Variants in HID1 observed in about 807,000 individuals in gnomAD.
The protein encoded by HID1 is HID1 domain containing, also known as protein HID1.
A neutral mutation model predicts 89.7 loss-of-function variants in HID1; 42 were observed. The observed-to-expected ratio is 0.47, with a 90% confidence interval of 0.37 to 0.61. The LOEUF (loss-of-function observed/expected upper bound fraction) is 0.61, where lower values mean the gene tolerates loss of function less well. HID1 is among the 20% of genes least tolerant of loss of function. The pLI is 0.00. For missense variants in HID1, 854 were observed against 1,039.3 expected, an observed-to-expected ratio of 0.82 and a Z score of 2.45; for synonymous variants, 442 against 433.8, an observed-to-expected ratio of 1.02 and a Z score of -0.24.
In HID1 at chr17:74,954,154, A is replaced by G; in HGVS notation, c.1848T>C (p.Ser616=). ...APAEPGTLKT[S]LVATPGIDKL... is the part of the protein sequence containing the mutation. ...GCACCAGACCTGGAGTAGCCACCAG[A>G]CTGGTCTTGAGGGTGCCTGGCTCTG... Residue 616 remains serine (S), a synonymous_variant, in exon 14 of 19, where the codon AGT becomes AGC. Transcript: ENST00000425042. 6.3e-7 allele frequency: 1 copy of G among 1,599,996 alleles called. No individual in the cohort carries two copies. The highest frequency in any genetic ancestry group is 8.5e-7 in the Non-Finnish European group (1 of 1,174,534).
rs757459848 is a variant in HID1 at position 74,959,899 on chromosome 17, G to A, written c.990C>T (p.Ser330=). 2 of 1,613,712 alleles carry A rather than the reference G, an allele frequency of 1.2e-6. No individual in the cohort carries two copies. The highest frequency in any genetic ancestry group is 1.1e-5 in the South Asian group (1 of 91,078). The stretch of plus-strand genomic sequence containing the variant: ...GACTTGCCTCCTCACGATGGATGCG[G>A]GACAGGTAGTTCACAAACAGGTTCT... ...GPENLFVNYL[S]RIHREEDFQF... The change falls in exon 8 of 19, where the codon TCC becomes TCT. Residue 330 remains serine, a synonymous_variant. Transcript: ENST00000425042. This position sits in a 1 kb window ranked among gnomAD's most constrained non-coding sequence, Gnocchi z 4.6.
chr17:74,954,069 C>T (rs578214421), intron 14 of HID1, 69 bp downstream of exon 14: 2 of 1,416,168 alleles, frequency 1.4e-6, no homozygotes, highest in African/African-American at 2.8e-5. Flanking sequence ...GGGGGTGACA[C>T]CCCGAGACCA....
In HID1 at chr17:74,951,554, CTCG is replaced by C; in HGVS notation, c.*13_*15del. The C allele has an allele frequency of 6.2e-7, 1 of 1,606,926 alleles. No homozygotes were observed. Among genetic ancestry groups the C allele is most frequent in the Non-Finnish European group, 8.5e-7 (1 of 1,176,778 alleles). ...CCCTGCCTTCCCCTAGACTGAGCCC[CTCG>C]TCGGCTTCATCCTCACACCCGCTGT... is the stretch of plus-strand genomic sequence containing the variant. On this transcript the variant is annotated 3_prime_UTR_variant, in exon 19 of 19. Transcript: ENST00000425042.
At position 74,958,447 on chromosome 17, in the gene HID1, G is replaced by A; in HGVS notation, c.1272C>T (p.Phe424=). The A allele has an allele frequency of 1.2e-6, 2 of 1,600,748 alleles. No individual in the cohort carries two copies. Among genetic ancestry groups the A allele is most frequent in the Non-Finnish European group, 1.7e-6 (2 of 1,173,742 alleles). Residue 424 remains phenylalanine (F), a synonymous_variant, in exon 11 of 19, where the codon TTC becomes TTT. Coordinates refer to ENST00000425042, the MANE Select transcript of HID1 (RefSeq NM_030630.3). The surrounding 1 kb of genome is among the most constrained non-coding windows in gnomAD (Gnocchi z 5.2). ...GCTCCCCGCTCAGAAGCAGCAAGAT[G>A]AAGACACCAATGTGCATCAGGCCCA... ...SRVGLMHIGV[F]ILLLLSGERN... is the part of the protein sequence containing the mutation.
chr17:74,951,709 G>T, intron 18 of HID1, 76 bp from the exon 19 acceptor site: 2 of 1,484,952 alleles, frequency 1.3e-6, no homozygotes, highest in Non-Finnish European at 1.9e-6. Flanking sequence ...TGGGCAGCAG[G>T]AATGGCCAAG....
At chr17:74,969,266 C>T (rs1027537366) in intron 1 of HID1, among the ~76,000 whole-genome samples, 1 of 152,132 alleles carries the variant, frequency 6.6e-6, no homozygotes, top group Non-Finnish European at 1.5e-5. Context: ...GCAATCTCGG[C>T]TTACTGCAAG....
chr17:74,958,786 A>C lies in HID1; in HGVS notation c.1150-23T>G. On this transcript the variant is annotated intron_variant, in intron 9 of 18. Coordinates refer to ENST00000425042, the MANE Select transcript of HID1 (RefSeq NM_030630.3). The surrounding 1 kb of genome is among the most constrained non-coding windows in gnomAD (Gnocchi z 5.2). ...TTTCTAGGGGTGCGGGGAGGGGCCAAGTGGGCTGAGTTCAAGGGAGGGGCA... is the reference window on the plus strand; with the variant it reads ...TTTCTAGGGGTGCGGGGAGGGGCCACGTGGGCTGAGTTCAAGGGAGGGGCA... The C allele has an allele frequency of 6.2e-7, 1 of 1,610,574 alleles. No individual in the cohort carries two copies. The highest frequency in any genetic ancestry group is 8.5e-7 in the Non-Finnish European group (1 of 1,177,780).
chr17:74,952,547 G>T (rs940911323), intron 16 of HID1, among the ~76,000 whole-genome samples, 187 bp from the exon 17 acceptor site: 1 of 152,168 alleles, frequency 6.6e-6, no homozygotes, highest in Non-Finnish European at 1.5e-5. Flanking sequence ...CCATGGCCCC[G>T]CGTTAAGCCA....
chr17:74,970,638 A>C (rs1235377501), intron 1 of HID1: 2 of 153,322 alleles, frequency 1.3e-5, no homozygotes, highest in African/African-American at 4.8e-5. Context: ...CAGGAAGGCG[A>C]GGAAGGTGGA....
intron 6 of HID1, among the ~76,000 whole-genome samples, chr17:74,961,116 C>G (rs911360097): frequency 6.6e-5 from 10 of 152,122 alleles, no homozygotes; most frequent in Non-Finnish European, 1.3e-4. Flanking sequence ...TGTGGCTGAT[C>G]GGAACCAAGA....
chr17:74,961,328 C>T (rs1401262127), intron 6 of HID1, among the ~76,000 whole-genome samples: 2 of 151,742 alleles, frequency 1.3e-5, no homozygotes, highest in Non-Finnish European at 2.9e-5. Flanking sequence ...AGCGCAGTGG[C>T]GCAATCTCGG....
At position 74,955,778 on chromosome 17, in the gene HID1, G is replaced by C; in HGVS notation, c.1636+14C>G. 3 of 1,613,322 alleles carry C rather than the reference G, an allele frequency of 1.9e-6. No individual in the cohort carries two copies. The highest frequency in any genetic ancestry group is 2.5e-6 in the Non-Finnish European group (3 of 1,179,454). On this transcript the variant is annotated intron_variant, in intron 13 of 18. Coordinates refer to ENST00000425042, the MANE Select transcript of HID1 (RefSeq NM_030630.3). ...GGCCACCCTGACCACCAGGGCCTCAGGCTGGTGCCTCACCATCAAACTGGT... is the reference window on the plus strand; with the variant it reads ...GGCCACCCTGACCACCAGGGCCTCACGCTGGTGCCTCACCATCAAACTGGT...
In HID1 at chr17:74,962,378, G is replaced by A. The variant is rs750329893; in HGVS notation, c.505-38C>T. ...CAGGAAGAAGCCGGGTTAGGGGGTC[G>A]AGAGGTGAACAGCAGCCTGGGTCAG... On this transcript the variant is annotated intron_variant, in intron 4 of 18. Coordinates refer to ENST00000425042, the MANE Select transcript of HID1 (RefSeq NM_030630.3). This position sits in a 1 kb window ranked among gnomAD's most constrained non-coding sequence, Gnocchi z 4.3. The A allele has an allele frequency of 1.5e-5, 22 of 1,460,718 alleles. No homozygotes were observed. Among genetic ancestry groups the A allele is most frequent in the South Asian group, 1.1e-4 (9 of 84,842 alleles). The allele number at this position is 1,460,718 out of a possible 1,614,324, so 90.5% of individuals were successfully genotyped here.
intron 6 of HID1, 43 bp from the exon 7 acceptor site, chr17:74,960,291 C>T (rs767980406): frequency 6.5e-7 from 1 of 1,546,826 alleles, no homozygotes; most frequent in Non-Finnish European, 8.8e-7. Context: ...TGCACTGGGG[C>T]CCAGCCCCCT....
At chr17:74,953,750 T>G in intron 14 of HID1, 99 bp from the exon 15 acceptor site, 1 of 930,128 alleles carries the variant, frequency 1.1e-6, no homozygotes, top group Non-Finnish European at 1.7e-6. Context: ...TTACTCCTGC[T>G]TCCCTCTGGA....
intron 13 of HID1, 101 bp downstream of exon 13, chr17:74,955,691 C>G: frequency 9.2e-7 from 1 of 1,091,110 alleles, no homozygotes; most frequent in Non-Finnish European, 1.3e-6. Context: ...GGCAAGCAGG[C>G]CAGCACCTCC....
intron 6 of HID1, chr17:74,961,509 C>CT (rs2039479036): frequency 6.6e-6 from 1 of 152,622 alleles, no homozygotes; most frequent in Non-Finnish European, 1.5e-5. Flanking sequence ...CTCAGGTAAT[C>CT]TGCCCACGTT....
In HID1 at chr17:74,951,898, G is replaced by C. The variant is rs1162141455; in HGVS notation, c.2303+7C>G. On this transcript the variant is annotated splice_region_variant and intron_variant, in intron 18 of 18. Transcript: ENST00000425042. ...AGGTGGACACCACCCCACTCCCCGG[G>C]GCCCACCTCAGATAGATGACGCCCC... The C allele has an allele frequency of 4.0e-6, 6 of 1,509,972 alleles. No individual in the cohort carries two copies. The highest frequency in any genetic ancestry group is 5.3e-6 in the Non-Finnish European group (6 of 1,126,432). The allele number at this position is 1,509,972 out of a possible 1,614,324, so 93.5% of individuals were successfully genotyped here.
At chr17:74,961,435 T>C (rs2039478155) in intron 6 of HID1, among the ~76,000 whole-genome samples, 1 of 151,900 alleles carries the variant, frequency 6.6e-6, no homozygotes, top group Admixed American at 6.6e-5. Context: ...GCCTGGCTAA[T>C]TTTTGTATTT....
Sources: gnomAD v4.1 joint callset for allele counts (sites outside exome capture counted in the v4.1 genomes callset) on GRCh38, gnomAD v4.1.1 for gene constraint, Gnocchi (gnomAD v3.1) non-coding constraint, MANE v1.5 for transcripts, NCBI Gene and HGNC (gene_info 2026-07-23, HGNC 2026-07-21) for gene names.